BIVM: variants seen among roughly 807,000 people sequenced by gnomAD.
The protein encoded by BIVM is basic, immunoglobulin-like variable motif containing.
Under a neutral mutation model 61.4 loss-of-function variants are expected in BIVM, and 31 were observed. The ratio of observed to expected loss-of-function variants is 0.51; its 90% CI spans 0.38 to 0.68. The LOEUF is 0.68. BIVM is among the 30% of genes least tolerant of loss of function. BIVM has a pLI of 0.00. For missense variants in BIVM, 526 were observed against 596.0 expected (o/e 0.88, Z 1.22); for synonymous variants, 189 against 210.7 (o/e 0.90, Z 0.89).
intron 8 of BIVM, 139 bp from the exon 9 acceptor site, chr13:102,834,327 C>T: frequency 1.3e-6 from 1 of 775,666 alleles, no homozygotes; most frequent in East Asian, 3.3e-5. Context: ...TTTGCCCTCA[C>T]CTAAGCTCTA....
Position 102,840,012 on chromosome 13 carries a change from A to G in BIVM, c.*147A>G, listed in dbSNP as rs1881725318. ...ATAACCTTGTAGTTCTCCAGATACT[A>G]AGCTTGTATATGATTATGGTGGGTG... On this transcript the variant is annotated 3_prime_UTR_variant, in exon 11 of 11. Transcript: ENST00000257336. The G allele has an allele frequency of 1.3e-6, 1 of 789,820 alleles. No homozygotes were observed. The highest frequency in any genetic ancestry group is 1.7e-5 in the African/African-American group (1 of 57,448). 48.9% of individuals were successfully genotyped at this position (789,820 alleles called of 1,614,324 possible). A position where few individuals can be genotyped will look rare whatever the true frequency, so the allele number is the denominator to read the frequency against.
intron 6 of BIVM, 105 bp from the exon 7 acceptor site, chr13:102,821,960 A>G (rs1880324649): frequency 3.3e-6 from 5 of 1,525,538 alleles, no homozygotes; most frequent in East Asian, 4.5e-5. Flanking sequence ...TCAACCTCTC[A>G]TAGGTATACC....
chr13:102,827,194 C>T (rs371757059), intron 7 of BIVM, among the ~76,000 whole-genome samples: 1 of 149,392 alleles, frequency 6.7e-6, no homozygotes, highest in Non-Finnish European at 1.5e-5. Flanking sequence ...TTCTTTGTGA[C>T]TTATTTAAAT....
At chr13:102,801,925 G>A (rs1878776881) in intron 1 of BIVM, among the ~76,000 whole-genome samples, 1 of 152,162 alleles carries the variant, frequency 6.6e-6, no homozygotes, top group Admixed American at 6.5e-5. Context: ...CTAAGTAAGG[G>A]AGACAGTATT....
intron 7 of BIVM, among the ~76,000 whole-genome samples, chr13:102,829,179 T>C (rs1032331667): frequency 7.2e-5 from 11 of 152,278 alleles, no homozygotes; most frequent in African/African-American, 2.6e-4. Context: ...CCTCTATAGA[T>C]GATCAGGGTC....
intron 7 of BIVM, among the ~76,000 whole-genome samples, chr13:102,823,692 T>C (rs1180315494): frequency 6.6e-6 from 1 of 152,212 alleles, no homozygotes; most frequent in Admixed American, 6.5e-5. Context: ...TGTTTGGTAA[T>C]TTTCTCTTCA....
At chr13:102,804,940 A>G (rs1878967312) in intron 1 of BIVM, among the ~76,000 whole-genome samples, 1 of 152,182 alleles carries the variant, frequency 6.6e-6, no homozygotes, top group African/African-American at 2.4e-5. Flanking sequence ...TCTTGTGTGA[A>G]TCGTCTTCTA....
chr13:102,803,262 G>C (rs528610719), intron 1 of BIVM, among the ~76,000 whole-genome samples: 5 of 152,132 alleles, frequency 3.3e-5, no homozygotes, highest in Admixed American at 2.6e-4. Context: ...CAGCACTTTG[G>C]GGGGCCGAGG....
chr13:102,807,865 TC>T lies in BIVM; in HGVS notation c.478+121del. On this transcript the variant is annotated intron_variant, in intron 3 of 10. Coordinates refer to ENST00000257336, the MANE Select transcript of BIVM (RefSeq NM_017693.4). This position sits in a 1 kb window ranked among gnomAD's most constrained non-coding sequence, Gnocchi z 4.0. The stretch of plus-strand genomic sequence containing the variant: ...TAATACTAGATAAGGAACATGGCTA[TC>T]ATCTTGTCTGTCAATGTAGTTTTAG... 9.0e-7 allele frequency: 1 copy of T among 1,113,674 alleles called. No individual in the cohort carries two copies. The highest frequency in any genetic ancestry group is 1.2e-6 in the Non-Finnish European group (1 of 804,214). The allele number at this position is 1,113,674 out of a possible 1,614,324, so 69.0% of individuals were successfully genotyped here.
intron 7 of BIVM, among the ~76,000 whole-genome samples, chr13:102,830,523 C>T (rs1566454461): frequency 6.6e-6 from 1 of 152,100 alleles, no homozygotes; most frequent in Non-Finnish European, 1.5e-5. Context: ...TTGAAATTGA[C>T]CACTATTATA....
At chr13:102,809,941 G>A (rs528275929) in intron 3 of BIVM, among the ~76,000 whole-genome samples, 5 of 152,012 alleles carry the variant, frequency 3.3e-5, no homozygotes, top group South Asian at 2.1e-4. Context: ...GCCTGTCACC[G>A]TGCCCGGCTA....
chr13:102,816,712 G>A, intron 4 of BIVM, 158 bp downstream of exon 4: 1 of 699,080 alleles, frequency 1.4e-6, no homozygotes, highest in Non-Finnish European at 1.9e-6. Flanking sequence ...CACCACAAAT[G>A]TTTGAAGTAG....
chr13:102,819,719 T>C (rs2139195908), intron 4 of BIVM, among the ~76,000 whole-genome samples: 1 of 152,198 alleles, frequency 6.6e-6, no homozygotes, highest in South Asian at 2.1e-4. Context: ...CATTTATCTA[T>C]GTAATAAAGC....
At chr13:102,808,460 T>G (rs962471478) in intron 3 of BIVM, among the ~76,000 whole-genome samples, 2 of 152,222 alleles carry the variant, frequency 1.3e-5, no homozygotes, top group African/African-American at 4.8e-5. Flanking sequence ...GATTTGTATT[T>G]ACTTCTAGTC....
chr13:102,822,228 GT>G, intron 7 of BIVM, 69 bp downstream of exon 7: 1 of 1,436,448 alleles, frequency 7.0e-7, no homozygotes, highest in Non-Finnish European at 9.5e-7. Context: ...CACACACACG[GT>G]TTAGAGTTCG....
At chr13:102,834,435 TAA>T in intron 8 of BIVM, 29 bp from the exon 9 acceptor site, 1 of 1,579,800 alleles carries the variant, frequency 6.3e-7, no homozygotes, top group African/African-American at 1.4e-5. Context: ...GAGTAACTAT[TAA>T]ACGTACTGTG....
At chr13:102,834,341 T>G in intron 8 of BIVM, 125 bp from the exon 9 acceptor site, 1 of 922,144 alleles carries the variant, frequency 1.1e-6, no homozygotes, top group East Asian at 3.2e-5. Context: ...AGCTCTAATG[T>G]CTGTTCTTGA....
intron 7 of BIVM, among the ~76,000 whole-genome samples, chr13:102,827,121 G>T (rs1230240730): frequency 6.6e-6 from 1 of 151,968 alleles, no homozygotes; most frequent in African/African-American, 2.4e-5. Context: ...ATTCTCATTT[G>T]TAGATCTTTT....
At position 102,834,450 on chromosome 13, in the gene BIVM, T is replaced by C. The variant is rs1362840911; in HGVS notation, c.1035-16T>C. The C allele has an allele frequency of 6.3e-7, 1 of 1,589,446 alleles. No homozygotes were observed. Among genetic ancestry groups the C allele is most frequent in the Admixed American group, 1.9e-5 (1 of 53,280 alleles). On this transcript the variant is annotated splice_polypyrimidine_tract_variant and intron_variant, in intron 8 of 10. Transcript: ENST00000257336. ...GAGTAACTATTAAACGTACTGTGAA[T>C]GTATTTTATATTTAGCAGGGGACCT...
Sources: allele counts gnomAD v4.1 joint callset (sites outside exome capture counted in the v4.1 genomes callset), GRCh38; gene constraint gnomAD v4.1.1; non-coding constraint Gnocchi (gnomAD v3.1); transcripts MANE v1.5; gene names NCBI Gene and HGNC (gene_info 2026-07-23, HGNC 2026-07-21).